Variants in MBNL1 observed in about 807,000 individuals in gnomAD.
MBNL1 encodes the protein muscleblind like splicing regulator 1.
Under a neutral mutation model 42.2 loss-of-function variants are expected in MBNL1, and 8 were observed. The ratio of observed to expected loss-of-function variants is 0.19; its 90% confidence interval spans 0.11 to 0.34. The LOEUF (loss-of-function observed/expected upper bound fraction) is 0.34, where lower values mean the gene tolerates loss of function less well. MBNL1 is among the 10% of genes least tolerant of loss of function. The pLI, the probability that MBNL1 is intolerant of heterozygous loss-of-function variation, is 1.00. For synonymous variants in MBNL1, 169 were observed against 173.9 expected, an observed-to-expected ratio of 0.97 and a Z score of 0.22; for missense variants, 309 against 495.3, an observed-to-expected ratio of 0.62 and a Z score of 3.57.
At chr3:152,369,473 T>C (rs767914152) in intron 2 of MBNL1, among the ~76,000 whole-genome samples, 1 of 152,194 alleles carries the variant, frequency 6.6e-6, no homozygotes, top group Non-Finnish European at 1.5e-5. Context: ...AAATTTTCTT[T>C]TTTTTGTTGT....
rs530771905 is a variant in MBNL1 at position 152,422,260 on chromosome 3, A to G, written c.345+7149A>G. ...GGATGGAGGAATATTTACCAAGCAA[A>G]TGGAAAGCAAAAAAAAAAAAAAAAA... On this transcript the variant is annotated intron_variant, in intron 3 of 9. Transcript: ENST00000324210. Among the ~76,000 whole-genome samples the G allele has an allele frequency of 2.1e-4, 27 of 127,716 alleles. No individual in the cohort carries two copies. In the South Asian group the frequency reaches 7.3e-3, roughly 35 times the overall value. The allele number at this position is 127,716 out of a possible 152,430, so 83.8% of individuals were successfully genotyped here.
intron 2 of MBNL1, among the ~76,000 whole-genome samples, chr3:152,339,228 G>A (rs3868880): frequency 0.55 from 83,636 of 151,814 alleles, 23,378 homozygotes; most frequent in Middle Eastern, 0.62. Flanking sequence ...TTCTAACTAT[G>A]GTGATTTCTT....
At chr3:152,429,006 C>G (rs773400098) in intron 3 of MBNL1, among the ~76,000 whole-genome samples, 1 of 152,140 alleles carries the variant, frequency 6.6e-6, no homozygotes, top group Admixed American at 6.5e-5. Context: ...ATTTATTGAG[C>G]GCCTACTGTG....
chr3:152,341,147 T>C (rs1438622601), intron 2 of MBNL1, among the ~76,000 whole-genome samples: 1 of 152,246 alleles, frequency 6.6e-6, no homozygotes, highest in Admixed American at 6.5e-5. Flanking sequence ...AATTCTTTCA[T>C]ATATAAAAAC....
At chr3:152,396,159 A>T in intron 2 of MBNL1, 1 of 349,538 alleles carries the variant, frequency 2.9e-6, no homozygotes, top group Non-Finnish European at 5.8e-6. Context: ...GTCTCCTGTC[A>T]CCCCCAGATA....
At chr3:152,297,351 T>G (rs930511062) in intron 1 of MBNL1, among the ~76,000 whole-genome samples, 6 of 149,606 alleles carry the variant, frequency 4.0e-5, no homozygotes, top group African/African-American at 1.2e-4. Flanking sequence ...GAGGTTTTTT[T>G]TTTTTTTTTT....
At chr3:152,408,872 A>T (rs1137696) in intron 2 of MBNL1, among the ~76,000 whole-genome samples, 4 of 152,166 alleles carry the variant, frequency 2.6e-5, no homozygotes, top group Admixed American at 2.6e-4. Flanking sequence ...ATGCTGCTAA[A>T]CATAGTACAA....
At chr3:152,341,190 C>T (rs2093107548) in intron 2 of MBNL1, among the ~76,000 whole-genome samples, 1 of 152,178 alleles carries the variant, frequency 6.6e-6, no homozygotes, top group Middle Eastern at 3.4e-3. Context: ...TTTATTAACA[C>T]TTATAGTGAG....
At chr3:152,244,488 T>C (rs2032408809) in intron 2 of MBNL1, 1 of 152,212 alleles carries the variant, frequency 6.6e-6, no homozygotes, top group African/African-American at 2.4e-5. Context: ...TGGATTGCTA[T>C]TTATATAGCA....
At chr3:152,277,507 T>G (rs1055591723) in intron 1 of MBNL1, among the ~76,000 whole-genome samples, 6 of 152,164 alleles carry the variant, frequency 3.9e-5, no homozygotes, top group Non-Finnish European at 7.4e-5. Context: ...ACCAGGGCAT[T>G]CTTTTTCCTG....
At chr3:152,423,630 A>T (rs2098842447) in intron 3 of MBNL1, among the ~76,000 whole-genome samples, 1 of 152,212 alleles carries the variant, frequency 6.6e-6, no homozygotes, top group South Asian at 2.1e-4. Context: ...GACACAAGAA[A>T]AAAAGAAAAT....
intron 2 of MBNL1, among the ~76,000 whole-genome samples, chr3:152,309,754 T>G (rs1421050369): frequency 6.6e-6 from 1 of 152,196 alleles, no homozygotes; most frequent in Non-Finnish European, 1.5e-5. Context: ...AGACGATAAT[T>G]TGCTTTCAGA....
At position 152,332,301 on chromosome 3, in the gene MBNL1, A is replaced by G. The variant is rs559405304; in HGVS notation, c.174+31934A>G. ...TAAGATGTCAAAATGTGCTTTCTAG[A>G]ATTTTTGAATAATTTTTGCTTAAAT... is the stretch of plus-strand genomic sequence containing the variant. On this transcript the variant is annotated intron_variant, in intron 2 of 9. Transcript: ENST00000324210. Among the ~76,000 whole-genome samples the G allele has an allele frequency of 7.9e-5, 12 of 152,320 alleles. No individual in the cohort carries two copies. The South Asian group carries it at 2.5e-3, about 32-fold the overall frequency.
chr3:152,459,055 C>A, intron 8 of MBNL1: 1 of 380,128 alleles, frequency 2.6e-6, no homozygotes, highest in South Asian at 8.6e-5. Flanking sequence ...AAGCTGGTAA[C>A]ATTTATAGAA....
At chr3:152,450,623 G>T (rs1457191969) in intron 6 of MBNL1, among the ~76,000 whole-genome samples, 2 of 152,282 alleles carry the variant, frequency 1.3e-5, no homozygotes, top group Middle Eastern at 3.4e-3. Flanking sequence ...TGTCTGCCTG[G>T]CAGGTTGTAC....
intron 4 of MBNL1, among the ~76,000 whole-genome samples, chr3:152,443,014 A>T (rs1256993087): frequency 6.6e-6 from 1 of 152,190 alleles, no homozygotes; most frequent in Non-Finnish European, 1.5e-5. Context: ...ATGCAAAAGC[A>T]GTTGACTAAG....
chr3:152,373,962 G>T (rs2096789743), intron 2 of MBNL1, among the ~76,000 whole-genome samples: 1 of 152,094 alleles, frequency 6.6e-6, no homozygotes, highest in Non-Finnish European at 1.5e-5. Context: ...TGATCTTGTT[G>T]CTTCTATCTT....
intron 2 of MBNL1, among the ~76,000 whole-genome samples, chr3:152,365,679 A>G (rs1201309590): frequency 6.6e-6 from 1 of 152,188 alleles, no homozygotes; most frequent in South Asian, 2.1e-4. Context: ...GTTTGTGTAC[A>G]ACTGATATAA....
chr3:152,288,722 C>T (rs959593343), intron 1 of MBNL1, among the ~76,000 whole-genome samples: 1 of 152,204 alleles, frequency 6.6e-6, no homozygotes, highest in South Asian at 2.1e-4. Context: ...TATTTTGATA[C>T]CCTGTCAACC....
Sources: gnomAD v4.1 joint callset for allele counts (sites outside exome capture counted in the v4.1 genomes callset) on GRCh38, gnomAD v4.1.1 for gene constraint, MANE v1.5 for transcripts, NCBI Gene and HGNC (gene_info 2026-07-23, HGNC 2026-07-21) for gene names.